The following MMD2 variants were observed in gnomAD, a reference collection of about 807,000 sequenced individuals.
MMD2 encodes the protein monocyte to macrophage differentiation associated 2, also known as monocyte to macrophage differentiation factor 2.
Under a neutral mutation model 33.5 loss-of-function variants are expected in MMD2, and 30 were observed. The observed-to-expected ratio is 0.90, with a 90% CI of 0.67 to 1.22. MMD2 has a LOEUF of 1.22. MMD2 is among the 50% of genes most tolerant of loss of function. The pLI, the probability that MMD2 is intolerant of heterozygous loss-of-function variation, is 0.00. For missense variants in MMD2, 364 were observed against 325.4 expected, an observed-to-expected ratio of 1.12 and a Z score of -0.91; for synonymous variants, 129 against 123.0, an observed-to-expected ratio of 1.05 and a Z score of -0.32.
At chr7:4,915,739 C>G (rs1785122954) in intron 4 of MMD2, among the ~76,000 whole-genome samples, 1 of 112,258 alleles carries the variant, frequency 8.9e-6, no homozygotes, top group Admixed American at 8.7e-5. Context: ...GATTCTGTCT[C>G]AGAATTCTCA....
chr7:4,921,391 C>T (rs1465720292), intron 2 of MMD2, among the ~76,000 whole-genome samples: 2 of 151,824 alleles, frequency 1.3e-5, no homozygotes, highest in African/African-American at 4.8e-5. Context: ...GAGGCCGAGG[C>T]GGGCAGATCA....
intron 1 of MMD2, among the ~76,000 whole-genome samples, chr7:4,955,739 T>C (rs1287802579): frequency 1.3e-5 from 2 of 152,194 alleles, no homozygotes; most frequent in Admixed American, 6.5e-5. Context: ...AGGCACACAT[T>C]AAACTGAGTG....
rs373595853 is a variant in MMD2 at position 4,916,048 on chromosome 7, G to C, written c.322C>G (p.Arg108Gly). The C allele has an allele frequency of 6.2e-7, 1 of 1,613,826 alleles. No individual in the cohort carries two copies. Among genetic ancestry groups the C allele is most frequent in the Admixed American group, 1.7e-5 (1 of 60,004 alleles). The change falls in exon 4 of 7, where the codon CGG becomes GGG. Residue 108 changes from arginine (R) to glycine (G), a missense_variant. Coordinates refer to ENST00000401401, the MANE Select transcript of MMD2 (RefSeq NM_198403.4). ...MVEHCLHMFDRMVIYFFIAAS... is the reference protein window; with the variant it reads ...MVEHCLHMFDGMVIYFFIAAS... ...GCTATGAAGAAATAGATGACCATCC[G>C]GTCGAACATGTGTAGACAGTGTTCC...
the MMD2 span, among the ~76,000 whole-genome samples, chr7:4,892,738 T>C: frequency 6.6e-6 from 1 of 151,950 alleles, no homozygotes; most frequent in Non-Finnish European, 1.5e-5. Flanking sequence ...TTTTTTGAGA[T>C]GAAGTCTAGC....
chr7:4,942,776 C>T (rs1168902928), intron 1 of MMD2, among the ~76,000 whole-genome samples: 1 of 151,618 alleles, frequency 6.6e-6, no homozygotes, highest in African/African-American at 2.4e-5. Flanking sequence ...CCACCTCACC[C>T]GGCTTTTTTG....
rs1440639378 is a variant in MMD2, at chr7:4,940,819, G to A, written c.48-15287C>T. ...ACTCTGGCATGATCTGCAGGAGACA[G>A]CACTCAGGTGCACTGTGCGTGGCAT... On this transcript the variant is annotated intron_variant, in intron 1 of 6. Transcript: ENST00000401401. The surrounding 1 kb of genome is among the most constrained non-coding windows in gnomAD (Gnocchi z 5.0). Among the ~76,000 whole-genome samples, 1 of 152,180 alleles carries A rather than the reference G, an allele frequency of 6.6e-6. No individual in the cohort carries two copies.
intron 5 of MMD2, among the ~76,000 whole-genome samples, 194 bp downstream of exon 5, chr7:4,910,951 C>G (rs1041347957): frequency 6.6e-6 from 1 of 152,118 alleles, no homozygotes; most frequent in Non-Finnish European, 1.5e-5. Context: ...CCTATGATGT[C>G]TTTTTGACAA....
intron 2 of MMD2, among the ~76,000 whole-genome samples, chr7:4,924,178 C>T (rs561710718): frequency 2.2e-3 from 328 of 152,192 alleles, no homozygotes; most frequent in African/African-American, 7.7e-3. Context: ...GGGAACAGAG[C>T]GAGACTTCGT....
chr7:4,908,688 G>C lies in MMD2; in HGVS notation c.538-1089C>G, dbSNP rs192269036. Among the ~76,000 whole-genome samples, 439 of 151,774 alleles carry C rather than the reference G, an allele frequency of 2.9e-3. 2 individuals are homozygous for C. Among genetic ancestry groups the C allele is most frequent in the Non-Finnish European group, 4.0e-3 (273 of 67,930 alleles). Reference sequence around the variant, plus strand: ...CTAAGGAGGGCGGATCACGAGGTCAGGAGTTCGAGACCAGCCTGGCCAACA... The same window carrying C: ...CTAAGGAGGGCGGATCACGAGGTCACGAGTTCGAGACCAGCCTGGCCAACA... On this transcript the variant is annotated intron_variant, in intron 6 of 6. Coordinates refer to ENST00000401401, the MANE Select transcript of MMD2 (RefSeq NM_198403.4).
In MMD2 at chr7:4,925,497, T is replaced by C; in HGVS notation, c.83A>G (p.Tyr28Cys). The change falls in exon 2 of 7, where the codon TAC becomes TGC. Residue 28 changes from tyrosine to cysteine, a missense_variant. By Grantham distance (194) the Tyr-to-Cys change is radical. Coordinates refer to ENST00000401401, the MANE Select transcript of MMD2 (RefSeq NM_198403.4). ...CGCATGTTCATACTCTGTGGGCTGG[T>C]ACCTCTTGTGGGCAGGGACTCGGTG... ...MNHRVPAHKR[Y>C]QPTEYEHAAN... The C allele has an allele frequency of 6.3e-7, 1 of 1,579,988 alleles. No homozygotes were observed. Among genetic ancestry groups the C allele is most frequent in the Non-Finnish European group, 8.6e-7 (1 of 1,161,194 alleles).
intron 1 of MMD2, among the ~76,000 whole-genome samples, chr7:4,936,826 C>T (rs1785753991): frequency 2.6e-5 from 4 of 151,924 alleles, no homozygotes; most frequent in African/African-American, 9.7e-5. Flanking sequence ...CTTCCGCCTC[C>T]CGGGTTCAAG....
In MMD2 at chr7:4,920,151, C is replaced by G. The variant is rs762187516; in HGVS notation, c.290+20G>C. On this transcript the variant is annotated intron_variant, in intron 3 of 6. Coordinates refer to ENST00000401401, the MANE Select transcript of MMD2 (RefSeq NM_198403.4). ...CCCCGACCCCCTACCCGGCATGGGT[C>G]CCCTCTGGGCGGGAGGCACCTGAGG... The G allele has an allele frequency of 1.9e-6, 3 of 1,551,586 alleles. No homozygotes were observed. The highest frequency in any genetic ancestry group is 2.6e-6 in the Non-Finnish European group (3 of 1,147,632).
chr7:4,907,204 A>C lies in MMD2; in HGVS notation c.*192T>G, dbSNP rs1179967817. 1.7e-6 allele frequency: 1 copy of C among 599,780 alleles called. No individual in the cohort carries two copies. Among genetic ancestry groups the C allele is most frequent in the Non-Finnish European group, 3.0e-6 (1 of 334,806 alleles). 37.2% of individuals were successfully genotyped at this position (599,780 alleles called of 1,614,324 possible). On this transcript the variant is annotated 3_prime_UTR_variant, in exon 7 of 7. Coordinates refer to ENST00000401401, the MANE Select transcript of MMD2 (RefSeq NM_198403.4). The stretch of plus-strand genomic sequence containing the variant: ...TTACAGGGTTAATTTCTCCTCTGTA[A>C]GAATGGCTAAATGCTTTCTTTCTCG...
At position 4,946,094 on chromosome 7, in the gene MMD2, C is replaced by T. The variant is rs1384083934; in HGVS notation, c.47+12877G>A. On this transcript the variant is annotated intron_variant, in intron 1 of 6. Transcript: ENST00000401401. This position sits in a 1 kb window ranked among gnomAD's most constrained non-coding sequence, Gnocchi z 5.0. ...TCACACGCACGCACACGCACGCACA[C>T]ACACGCATGCACACGCGCACACGCA... Among the ~76,000 whole-genome samples, 1 of 151,648 alleles carries T rather than the reference C, an allele frequency of 6.6e-6. No homozygotes were observed. Among genetic ancestry groups the T allele is most frequent in the Non-Finnish European group, 1.5e-5 (1 of 67,878 alleles).
At chr7:4,943,861 G>A (rs1362077611) in intron 1 of MMD2, among the ~76,000 whole-genome samples, 1 of 151,986 alleles carries the variant, frequency 6.6e-6, no homozygotes, top group Admixed American at 6.6e-5. Context: ...GAGTGCAGTG[G>A]CATGATCACA....
At chr7:4,928,669 C>G (rs1436655042) in intron 1 of MMD2, among the ~76,000 whole-genome samples, 2 of 150,624 alleles carry the variant, frequency 1.3e-5, no homozygotes, top group African/African-American at 2.5e-5. Context: ...TATTAAGCAC[C>G]TTCTGTGTGC....
At chr7:4,897,294 C>A in the MMD2 span, among the ~76,000 whole-genome samples, 1 of 133,342 alleles carries the variant, frequency 7.5e-6, no homozygotes, top group Non-Finnish European at 1.6e-5. Flanking sequence ...TTTTTAAGTT[C>A]TTTCTACTCC....
At chr7:4,903,341 T>C (rs2969498), downstream of MMD2, among the ~76,000 whole-genome samples, 143,366 of 152,106 alleles carry the variant, frequency 0.94, 67,655 homozygotes, top group East Asian at 1. Context: ...GCAAGCCCCC[T>C]GCCCACGACC....
At chr7:4,926,308 C>G (rs1785425825) in intron 1 of MMD2, among the ~76,000 whole-genome samples, 1 of 151,846 alleles carries the variant, frequency 6.6e-6, no homozygotes, top group South Asian at 2.1e-4. Flanking sequence ...ATCACGTTGC[C>G]CAGGCTGGTC....
Sources: gnomAD v4.1 joint callset for allele counts (sites outside exome capture counted in the v4.1 genomes callset) on GRCh38, gnomAD v4.1.1 for gene constraint, Gnocchi (gnomAD v3.1) non-coding constraint, MANE v1.5 for transcripts, NCBI Gene and HGNC (gene_info 2026-07-23, HGNC 2026-07-21) for gene names.